Variants in KAZN observed in about 807,000 individuals in gnomAD.
The protein encoded by KAZN is kazrin, periplakin interacting protein, also known as kazrin.
Under a neutral mutation model 87.4 loss-of-function variants are expected in KAZN, and 40 were observed. The ratio of observed to expected loss-of-function variants is 0.46; its 90% CI spans 0.36 to 0.60. KAZN has a LOEUF of 0.60. Ranked by LOEUF, KAZN falls within the 20% of genes least tolerant of loss-of-function variation. The pLI is 0.00. For synonymous variants in KAZN, 466 were observed against 458.3 expected (o/e 1.02, Z -0.22); for missense variants, 898 against 1,073.9 (o/e 0.84, Z 2.29).
intron 1 of KAZN, among the ~76,000 whole-genome samples, chr1:14,897,455 C>T (rs899490863): frequency 2.0e-4 from 30 of 152,232 alleles, no homozygotes; most frequent in African/African-American, 6.3e-4. Flanking sequence ...TTAGAGAGGA[C>T]CCCAATAAGC....
At chr1:14,195,602 T>C (rs1350850395) in intron 2 of KAZN, among the ~76,000 whole-genome samples, 1 of 150,760 alleles carries the variant, frequency 6.6e-6, no homozygotes, top group Middle Eastern at 3.2e-3. Context: ...AATTACAGAC[T>C]CAATAAACTG....
chr1:14,536,355 G>C (rs539086880), intron 2 of KAZN, among the ~76,000 whole-genome samples: 253 of 152,356 alleles, frequency 1.7e-3, no homozygotes, highest in African/African-American at 5.6e-3. Flanking sequence ...TGTCTGGGGA[G>C]AGTGGATGAG....
At chr1:14,956,623 TAAAC>T (rs892841065) in intron 1 of KAZN, among the ~76,000 whole-genome samples, 12 of 150,524 alleles carry the variant, frequency 8.0e-5, no homozygotes, top group East Asian at 2.0e-4. Flanking sequence ...AAAAAAAAAT[TAAAC>T]AAAAACAAAC....
Position 14,589,449 on chromosome 1 carries a change from C to T in KAZN, c.250-9534C>T, listed in dbSNP as rs191224185. ...GGCCATTGAACAAAATATCTCCCTT[C>T]CAATTATGCATACAACTGGACAGTG... On this transcript the variant is annotated intron_variant, in intron 2 of 16. Coordinates refer to the KAZN transcript ENST00000636203. 1.3e-4 allele frequency among the ~76,000 whole-genome samples: 20 copies of T among 152,288 alleles called. No individual in the cohort carries two copies. The East Asian group carries it at 3.1e-3, about 23-fold the overall frequency.
intron 1 of KAZN, among the ~76,000 whole-genome samples, chr1:13,953,733 A>G (rs1459237979): frequency 6.6e-6 from 1 of 152,098 alleles, no homozygotes; most frequent in Non-Finnish European, 1.5e-5. Flanking sequence ...CTGAAGATTC[A>G]TGTCTTTAGC....
chr1:14,966,977 T>A (rs1557668995), intron 2 of KAZN, among the ~76,000 whole-genome samples: 2 of 152,170 alleles, frequency 1.3e-5, no homozygotes. Flanking sequence ...CCCCCGCATA[T>A]GTATTACTGG....
At position 14,155,118 on chromosome 1, in the gene KAZN, T is replaced by A. The variant is rs539305693; in HGVS notation, c.92-25317T>A. ...ATAGTTGGAGTATGATTGCTATTAATTCTTTAAATGTTTGATAGAATTCAG... is the reference window on the plus strand; with the variant it reads ...ATAGTTGGAGTATGATTGCTATTAAATCTTTAAATGTTTGATAGAATTCAG... On this transcript the variant is annotated intron_variant, in intron 1 of 16. Coordinates refer to the KAZN transcript ENST00000636203. Among the ~76,000 whole-genome samples the A allele has an allele frequency of 5.3e-5, 8 of 152,300 alleles. No individual in the cohort carries two copies. The East Asian group carries it at 1.5e-3, about 29-fold the overall frequency.
intron 2 of KAZN, among the ~76,000 whole-genome samples, chr1:14,572,298 G>A (rs1340034262): frequency 4.6e-5 from 7 of 152,186 alleles, no homozygotes; most frequent in Admixed American, 1.3e-4. Context: ...ATTGTACAAA[G>A]GCTGTGTGTT....
chr1:14,939,267 T>C (rs1398288376), intron 1 of KAZN, among the ~76,000 whole-genome samples: 1 of 150,150 alleles, frequency 6.7e-6, no homozygotes, highest in Non-Finnish European at 1.5e-5. Context: ...CCACCGTGCC[T>C]GGCCTGTTTA....
chr1:14,781,367 G>C (rs143355778), intron 1 of KAZN, among the ~76,000 whole-genome samples: 3,873 of 152,290 alleles, frequency 0.025, 71 homozygotes, highest in Non-Finnish European at 0.039. Context: ...TCAGTTTCAA[G>C]TGCTAAGAAA....
chr1:14,128,594 T>C (rs1644924356), intron 1 of KAZN, among the ~76,000 whole-genome samples: 1 of 152,152 alleles, frequency 6.6e-6, no homozygotes, highest in Admixed American at 6.5e-5. Flanking sequence ...TTCTCAGAAG[T>C]ACGCCAATCA....
At chr1:14,814,496 G>A (rs1490523684) in intron 1 of KAZN, among the ~76,000 whole-genome samples, 3 of 152,192 alleles carry the variant, frequency 2.0e-5, no homozygotes, top group Non-Finnish European at 4.4e-5. Context: ...TTGCAGGCGT[G>A]AGCCACTGCG....
At chr1:14,003,297 G>A (rs773034456) in intron 1 of KAZN, among the ~76,000 whole-genome samples, 10 of 148,764 alleles carry the variant, frequency 6.7e-5, no homozygotes, top group Non-Finnish European at 1.3e-4. Flanking sequence ...AAACCTACAC[G>A]TTCTGCATAT....
chr1:15,109,878 CAT>C (rs1339862386), intron 13 of KAZN, among the ~76,000 whole-genome samples: 1 of 142,648 alleles, frequency 7.0e-6, no homozygotes. Flanking sequence ...TGTGTATGTG[CAT>C]GTGTGTGCTT....
At chr1:14,204,346 CT>C (rs1255972442) in intron 2 of KAZN, among the ~76,000 whole-genome samples, 2 of 152,114 alleles carry the variant, frequency 1.3e-5, no homozygotes, top group Non-Finnish European at 2.9e-5. Flanking sequence ...TATTTCTGAC[CT>C]TTGAAAAAGA....
intron 2 of KAZN, among the ~76,000 whole-genome samples, chr1:14,466,223 AG>A (rs1668117955): frequency 6.6e-6 from 1 of 152,160 alleles, no homozygotes; most frequent in African/African-American, 2.4e-5. Context: ...TAGAAGAGAG[AG>A]CTCACTCTAC....
chr1:14,647,589 G>A (rs763224025), intron 1 of KAZN, among the ~76,000 whole-genome samples: 91 of 152,128 alleles, frequency 6.0e-4, no homozygotes, highest in Non-Finnish European at 7.9e-4. Flanking sequence ...CTGCAGTCAG[G>A]TAGAGAGCCT....
chr1:14,447,838 GA>G (rs1206150560), intron 2 of KAZN, among the ~76,000 whole-genome samples: 1 of 152,096 alleles, frequency 6.6e-6, no homozygotes, highest in Non-Finnish European at 1.5e-5. Flanking sequence ...AGCTAAAAAA[GA>G]AAGAAGCTAA....
intron 1 of KAZN, among the ~76,000 whole-genome samples, chr1:14,040,276 A>G (rs1181003922): frequency 1.3e-5 from 2 of 152,154 alleles, no homozygotes; most frequent in Non-Finnish European, 2.9e-5. Context: ...TGACTCTGTA[A>G]CAGGAAATTG....
Sources: allele counts gnomAD v4.1 joint callset (sites outside exome capture counted in the v4.1 genomes callset), GRCh38; gene constraint gnomAD v4.1.1; transcripts MANE v1.5; gene names NCBI Gene and HGNC (gene_info 2026-07-23, HGNC 2026-07-21).